Variants in KIF5C observed in about 807,000 individuals in gnomAD.
The protein encoded by KIF5C is kinesin heavy chain isoform 5C.
Under a neutral mutation model 125.2 loss-of-function variants are expected in KIF5C, and 18 were observed. That is an observed-to-expected ratio of 0.14 (90% CI 0.10 to 0.21). KIF5C has a LOEUF of 0.21. KIF5C is among the 10% of genes least tolerant of loss of function. The pLI is 1.00. For synonymous variants in KIF5C, 405 were observed against 434.0 expected (o/e 0.93, Z 0.83); for missense variants, 780 against 1,183.8 (o/e 0.66, Z 5.01).
intron 1 of KIF5C, among the ~76,000 whole-genome samples, chr2:148,889,615 T>TA (rs1463182315): frequency 6.6e-6 from 1 of 152,232 alleles, no homozygotes; most frequent in Non-Finnish European, 1.5e-5. Flanking sequence ...GGTATCCCAA[T>TA]AGCAGCACCC....
intron 3 of KIF5C, among the ~76,000 whole-genome samples, chr2:148,933,887 A>C (rs1324977911): frequency 5.3e-5 from 8 of 151,260 alleles, no homozygotes; most frequent in African/African-American, 1.9e-4. Flanking sequence ...GACACACCAC[A>C]CACAATATAT....
At chr2:149,000,821 G>A in intron 21 of KIF5C, 39 bp downstream of exon 21, 1 of 1,608,302 alleles carries the variant, frequency 6.2e-7, no homozygotes, top group East Asian at 2.2e-5. Context: ...TTGTCTCCAA[G>A]ACCGGATTCA....
At chr2:148,906,140 G>T (rs1161577521) in intron 1 of KIF5C, among the ~76,000 whole-genome samples, 2 of 152,096 alleles carry the variant, frequency 1.3e-5, no homozygotes, top group Admixed American at 6.5e-5. Flanking sequence ...GGGCCAGAGG[G>T]AAAAAGGGGA....
At chr2:148,898,350 A>G (rs1680746278) in intron 1 of KIF5C, among the ~76,000 whole-genome samples, 1 of 152,214 alleles carries the variant, frequency 6.6e-6, no homozygotes, top group Non-Finnish European at 1.5e-5. Flanking sequence ...GTATCTCATG[A>G]GACAATTCTC....
intron 16 of KIF5C, among the ~76,000 whole-genome samples, chr2:148,992,453 A>G (rs1009326061): frequency 6.6e-6 from 1 of 152,236 alleles, no homozygotes; most frequent in African/African-American, 2.4e-5. Context: ...TTTCCTGATT[A>G]AAAATATTAA....
Position 149,007,085 on chromosome 2 carries a change from C to T in KIF5C, c.2446-878C>T, listed in dbSNP as rs535167585. On this transcript the variant is annotated intron_variant, in intron 22 of 25. Coordinates refer to ENST00000435030, the MANE Select transcript of KIF5C (RefSeq NM_004522.3). Reference sequence around the variant, plus strand: ...TTTAGATATGCAAATTCTCATACCCCACCCCAGGTCCACTGAATCAGAGAC... The same window carrying T: ...TTTAGATATGCAAATTCTCATACCCTACCCCAGGTCCACTGAATCAGAGAC... Among the ~76,000 whole-genome samples the T allele has an allele frequency of 2.0e-5, 3 of 152,308 alleles. No individual in the cohort carries two copies. The South Asian group carries it at 6.2e-4, about 32-fold the overall frequency.
intron 8 of KIF5C, chr2:148,947,831 A>G (rs922681134): frequency 2.0e-5 from 9 of 454,610 alleles, no homozygotes; most frequent in Admixed American, 9.4e-5. Flanking sequence ...CATCACTGAC[A>G]TCATGCTGAT....
chr2:148,906,984 C>G (rs1681134904), intron 1 of KIF5C, among the ~76,000 whole-genome samples: 1 of 152,126 alleles, frequency 6.6e-6, no homozygotes, highest in South Asian at 2.1e-4. Flanking sequence ...CACTTGAGTC[C>G]AGAAGTTTGA....
chr2:148,951,624 GT>G (rs1331108498), intron 10 of KIF5C, among the ~76,000 whole-genome samples: 1 of 152,174 alleles, frequency 6.6e-6, no homozygotes, highest in East Asian at 1.9e-4. Flanking sequence ...GAGCTCTGAT[GT>G]TGGATGAGGG....
At chr2:148,941,903 T>C in intron 5 of KIF5C, 32 bp from the exon 6 acceptor site, 1 of 1,599,660 alleles carries the variant, frequency 6.3e-7, no homozygotes, top group Non-Finnish European at 8.5e-7. Context: ...TTTTATTTTC[T>C]TCTTTGCCTG....
intron 11 of KIF5C, among the ~76,000 whole-genome samples, chr2:148,965,644 A>G (rs1278532822): frequency 6.6e-6 from 1 of 152,190 alleles, no homozygotes; most frequent in African/African-American, 2.4e-5. Flanking sequence ...TTACAGGGAC[A>G]ACAGACCAGG....
chr2:148,981,019 G>A (rs957831448), intron 13 of KIF5C, among the ~76,000 whole-genome samples: 1 of 151,976 alleles, frequency 6.6e-6, no homozygotes, highest in African/African-American at 2.4e-5. Flanking sequence ...CCCATCCTTT[G>A]CTTAAAATAT....
intron 21 of KIF5C, among the ~76,000 whole-genome samples, chr2:149,002,082 G>A (rs1292121511): frequency 6.6e-6 from 1 of 152,230 alleles, no homozygotes; most frequent in Non-Finnish European, 1.5e-5. Context: ...CGGGGAACCC[G>A]AAATGAAGCC....
intron 10 of KIF5C, among the ~76,000 whole-genome samples, chr2:148,950,951 A>G (rs1682643337): frequency 6.6e-6 from 1 of 152,236 alleles, no homozygotes; most frequent in Admixed American, 6.5e-5. Context: ...AGCAATAATT[A>G]TATTTTAAAA....
intron 3 of KIF5C, among the ~76,000 whole-genome samples, chr2:148,934,713 C>T (rs1435284256): frequency 6.6e-6 from 1 of 151,946 alleles, no homozygotes; most frequent in Non-Finnish European, 1.5e-5. Context: ...ATAGCACATA[C>T]CTGCACACAT....
intron 12 of KIF5C, among the ~76,000 whole-genome samples, chr2:148,976,064 C>T (rs930705613): frequency 1.3e-5 from 2 of 152,130 alleles, no homozygotes; most frequent in Non-Finnish European, 2.9e-5. Flanking sequence ...TGTCCCTCTA[C>T]AGTACTGCTC....
At chr2:148,953,722 G>A (rs1682724202) in intron 10 of KIF5C, among the ~76,000 whole-genome samples, 1 of 152,140 alleles carries the variant, frequency 6.6e-6, no homozygotes, top group African/African-American at 2.4e-5. Context: ...CTGCTTGACT[G>A]TACTGATGTT....
chr2:148,987,915 TTCA>T (rs1371025416), intron 15 of KIF5C, among the ~76,000 whole-genome samples: 1 of 152,154 alleles, frequency 6.6e-6, no homozygotes, highest in African/African-American at 2.4e-5. Flanking sequence ...ATGGCAGTAG[TTCA>T]TCATCGTGCA....
chr2:148,964,275 CAAAA>C (rs112943127), intron 11 of KIF5C, among the ~76,000 whole-genome samples: 1 of 129,092 alleles, frequency 7.7e-6, no homozygotes, highest in Non-Finnish European at 1.7e-5. Flanking sequence ...AACTCCATCT[CAAAA>C]AAAAAAAAAA....
Sources: gnomAD v4.1 joint callset for allele counts (sites outside exome capture counted in the v4.1 genomes callset) on GRCh38, gnomAD v4.1.1 for gene constraint, MANE v1.5 for transcripts, NCBI Gene and HGNC (gene_info 2026-07-23, HGNC 2026-07-21) for gene names.